Variants in STK32A observed in about 807,000 individuals in gnomAD.
The protein encoded by STK32A is serine/threonine-protein kinase 32A.
Under a neutral mutation model 53.2 loss-of-function variants are expected in STK32A, and 41 were observed. The ratio of observed to expected loss-of-function variants is 0.77; its 90% confidence interval spans 0.60 to 1.00. STK32A has a LOEUF of 1.00. Among genes scored for constraint, STK32A ranks in the 50% least tolerant of loss-of-function variants. The pLI is 0.00. For synonymous variants in STK32A, 166 were observed against 162.8 expected (o/e 1.02, Z -0.15); for missense variants, 458 against 485.8 (o/e 0.94, Z 0.54).
intron 2 of STK32A, among the ~76,000 whole-genome samples, chr5:147,243,960 A>G (rs4705026): frequency 0.41 from 62,354 of 151,816 alleles, 12,932 homozygotes; most frequent in Admixed American, 0.45. Flanking sequence ...ACGTTATCAT[A>G]CAACCATCAC....
intron 8 of STK32A, 109 bp downstream of exon 8, chr5:147,361,723 C>T (rs1048537801): frequency 1.1e-5 from 9 of 816,116 alleles, no homozygotes; most frequent in Admixed American, 2.2e-5. Flanking sequence ...AAGCTGAAAT[C>T]AGCTATGCCA....
intron 2 of STK32A, among the ~76,000 whole-genome samples, chr5:147,256,305 A>G (rs1754234689): frequency 6.6e-6 from 1 of 152,178 alleles, no homozygotes. Context: ...TTCGGGATAT[A>G]GCAGAGAGAG....
intron 4 of STK32A, among the ~76,000 whole-genome samples, chr5:147,291,551 TAAAAA>T (rs369226227): frequency 1.4e-5 from 2 of 145,650 alleles, no homozygotes; most frequent in Admixed American, 1.4e-4. Context: ...CAATTACAAT[TAAAAA>T]AAAAAAAGAA....
chr5:147,400,936 T>C, the STK32A span: 1 of 1,450,364 alleles, frequency 6.9e-7, no homozygotes. Context: ...TCTGACTATT[T>C]GGGTTTGGAA....
At chr5:147,267,671 T>G (rs750199818) in intron 2 of STK32A, among the ~76,000 whole-genome samples, 4 of 152,176 alleles carry the variant, frequency 2.6e-5, no homozygotes, top group Non-Finnish European at 5.9e-5. Context: ...TTACAGATAC[T>G]TATTAAATTG....
intron 2 of STK32A, among the ~76,000 whole-genome samples, chr5:147,253,337 G>C (rs1007254860): frequency 1.3e-5 from 2 of 152,102 alleles, no homozygotes; most frequent in Non-Finnish European, 1.5e-5. Context: ...CTTTTGGAGT[G>C]TTTAAATCAT....
At chr5:147,363,479 G>A (rs1383687356) in intron 8 of STK32A, among the ~76,000 whole-genome samples, 3 of 152,152 alleles carry the variant, frequency 2.0e-5, no homozygotes, top group African/African-American at 7.2e-5. Flanking sequence ...AAACAGAGGT[G>A]GAGGCAACCC....
At chr5:147,343,181 C>A in intron 6 of STK32A, 138 bp downstream of exon 6, 1 of 901,252 alleles carries the variant, frequency 1.1e-6, no homozygotes, top group Non-Finnish European at 1.8e-6. Flanking sequence ...TCCTCATAGA[C>A]AATATGGGGG....
chr5:147,256,675 C>T (rs1308713655), intron 2 of STK32A, among the ~76,000 whole-genome samples: 1 of 152,006 alleles, frequency 6.6e-6, no homozygotes, highest in Admixed American at 6.6e-5. Flanking sequence ...CCATGCCTGG[C>T]TAAGTTTGTA....
intron 8 of STK32A, 66 bp downstream of exon 8, chr5:147,361,680 T>A: frequency 2.0e-6 from 2 of 1,004,570 alleles, no homozygotes; most frequent in Non-Finnish European, 3.1e-6. Flanking sequence ...TGAAAGAATG[T>A]ATTGTTTGCT....
intron 5 of STK32A, among the ~76,000 whole-genome samples, chr5:147,334,060 G>A (rs1257954577): frequency 2.6e-5 from 4 of 152,134 alleles, no homozygotes; most frequent in Non-Finnish European, 5.9e-5. Context: ...AAGCCACACT[G>A]CGATTTTCCA....
chr5:147,391,300 A>G (rs1757792579), downstream of STK32A: 1 of 152,674 alleles, frequency 6.5e-6, no homozygotes, highest in Non-Finnish European at 1.5e-5. Context: ...CAGGATGACT[A>G]CAATCCTTCC....
chr5:147,263,030 T>C (rs1754653827), intron 2 of STK32A, among the ~76,000 whole-genome samples: 1 of 152,198 alleles, frequency 6.6e-6, no homozygotes, highest in African/African-American at 2.4e-5. Flanking sequence ...ATACTATGGT[T>C]TATCCTCTGA....
the STK32A span, chr5:147,395,857 G>A: frequency 1.0e-4 from 110 of 1,073,214 alleles, no homozygotes; most frequent in African/African-American, 1.6e-3. Context: ...ATTTGAGGAA[G>A]GGAGAAGTAG....
At chr5:147,281,737 A>G (rs1752074838) in intron 4 of STK32A, among the ~76,000 whole-genome samples, 1 of 152,200 alleles carries the variant, frequency 6.6e-6, no homozygotes, top group East Asian at 1.9e-4. Flanking sequence ...CTAGACATCC[A>G]AATACAAGAA....
chr5:147,374,581 C>G (rs1022922610), intron 10 of STK32A, among the ~76,000 whole-genome samples: 4 of 152,118 alleles, frequency 2.6e-5, no homozygotes, highest in African/African-American at 4.8e-5. Context: ...CTTCCCCCTC[C>G]TTCTATGTGT....
At chr5:147,272,211 G>C (rs1205500893) in intron 2 of STK32A, among the ~76,000 whole-genome samples, 2 of 152,050 alleles carry the variant, frequency 1.3e-5, no homozygotes, top group Non-Finnish European at 2.9e-5. Flanking sequence ...TGAGTAGCTG[G>C]GATTATAGGC....
intron 1 of STK32A, 110 bp from the exon 2 acceptor site, chr5:147,239,429 A>T: frequency 2.2e-6 from 1 of 447,210 alleles, no homozygotes; most frequent in Non-Finnish European, 4.0e-6. Flanking sequence ...TCAAACACAA[A>T]AGTTTTCACT....
intron 2 of STK32A, chr5:147,239,912 C>G: frequency 2.0e-6 from 1 of 506,028 alleles, no homozygotes; most frequent in Non-Finnish European, 3.5e-6. Flanking sequence ...TACCAATGTC[C>G]TTTGTCCAAA....
Sources: allele counts gnomAD v4.1 joint callset (sites outside exome capture counted in the v4.1 genomes callset), GRCh38; gene constraint gnomAD v4.1.1; transcripts MANE v1.5; gene names NCBI Gene and HGNC (gene_info 2026-07-23, HGNC 2026-07-21).